The following CCNL1 variants were observed in gnomAD, a reference collection of about 807,000 sequenced individuals.
CCNL1 encodes cyclin L1, also known as cyclin-L1.
CCNL1 carries 13 observed loss-of-function variants against 60.6 expected under a neutral mutation model. The observed-to-expected ratio is 0.21, with a 90% CI of 0.14 to 0.34. The LOEUF (loss-of-function observed/expected upper bound fraction) is 0.34. CCNL1 is among the 10% of genes least tolerant of loss of function. The probability of loss-of-function intolerance (pLI) is 1.00; values close to 1 mark genes in which losing one functional copy is unlikely to be tolerated. For synonymous variants in CCNL1, 270 were observed against 244.3 expected, an observed-to-expected ratio of 1.10 and a Z score of -0.98; for missense variants, 481 against 664.3, an observed-to-expected ratio of 0.72 and a Z score of 3.03.
chr3:157,154,837 G>A (rs1738485095), intron 3 of CCNL1, among the ~76,000 whole-genome samples: 1 of 152,018 alleles, frequency 6.6e-6, no homozygotes, highest in African/African-American at 2.4e-5. Flanking sequence ...GTGTAATGAT[G>A]AATCCATTTT....
intron 3 of CCNL1, among the ~76,000 whole-genome samples, chr3:157,156,444 C>T (rs576433016): frequency 4.6e-4 from 70 of 152,264 alleles, no homozygotes; most frequent in Non-Finnish European, 7.8e-4. Context: ...AATTTTAATA[C>T]GCTGCATCTC....
Position 157,148,475 on chromosome 3 carries a change from C to T in CCNL1, c.1347G>A (p.Lys449=), listed in dbSNP as rs2108108752. ...RHHNHGSPHL[K]AKHTRDDLKS... Reference sequence around the variant, plus strand: ...TTAAATCATCTCTGGTATGCTTGGCCTTAAGGTGAGGAGAACCATGATTAT... The same window carrying T: ...TTAAATCATCTCTGGTATGCTTGGCTTTAAGGTGAGGAGAACCATGATTAT... Residue 449 remains lysine, a synonymous_variant, in exon 11 of 11, where the codon AAG becomes AAA. Transcript: ENST00000295926. 2 of 1,614,132 alleles carry T rather than the reference C, an allele frequency of 1.2e-6. No homozygotes were observed. Among genetic ancestry groups the T allele is most frequent in the Non-Finnish European group, 1.7e-6 (2 of 1,180,032 alleles).
downstream of CCNL1, among the ~76,000 whole-genome samples, chr3:157,143,623 G>C (rs1737705029): frequency 6.6e-6 from 1 of 152,172 alleles, no homozygotes; most frequent in Non-Finnish European, 1.5e-5. Flanking sequence ...GTAAATTTCA[G>C]TTAGTGGTAA....
At chr3:157,157,679 C>A (rs898761828) in intron 3 of CCNL1, among the ~76,000 whole-genome samples, 6 of 152,138 alleles carry the variant, frequency 3.9e-5, no homozygotes, top group Non-Finnish European at 1.5e-5. Context: ...AGTACTCTAT[C>A]CCTGGACACA....
chr3:157,152,439 A>G (rs147980308), intron 4 of CCNL1, 198 bp from the exon 5 acceptor site: 688 of 1,268,768 alleles, frequency 5.4e-4, no homozygotes, highest in Non-Finnish European at 6.5e-4. Flanking sequence ...TTAGAAGCAT[A>G]TTTCAAAATT....
chr3:157,158,743 C>A, intron 3 of CCNL1, 123 bp downstream of exon 3: 1 of 608,002 alleles, frequency 1.6e-6, no homozygotes, highest in Non-Finnish European at 2.9e-6. Flanking sequence ...ACTTTAACAC[C>A]TAAATTAAAG....
Position 157,150,400 on chromosome 3 carries a change from A to G in CCNL1, c.675-19T>C. On this transcript the variant is annotated intron_variant, in intron 5 of 10. Coordinates refer to ENST00000295926, the MANE Select transcript of CCNL1 (RefSeq NM_020307.4). ...GTAATTCCTGAAAAATATTTCAACTATAAGCTTGCATGTAAACAAACCAGT... is the reference window on the plus strand; with the variant it reads ...GTAATTCCTGAAAAATATTTCAACTGTAAGCTTGCATGTAAACAAACCAGT... 1 of 1,610,108 alleles carries G rather than the reference A, an allele frequency of 6.2e-7. No homozygotes were observed. The highest frequency in any genetic ancestry group is 1.7e-5 in the Admixed American group (1 of 59,760).
downstream of CCNL1, among the ~76,000 whole-genome samples, chr3:157,145,451 AAAAAAAAAAAAAACC>A (rs1199372017): frequency 2.7e-4 from 40 of 148,738 alleles, 3 homozygotes; most frequent in African/African-American, 1.0e-3. Flanking sequence ...AAAAAAAAAA[AAAAAAAAAAAAAACC>A]AAAACGGGAT....
At chr3:157,155,113 T>G (rs982366580) in intron 3 of CCNL1, among the ~76,000 whole-genome samples, 2 of 152,298 alleles carry the variant, frequency 1.3e-5, no homozygotes, top group Non-Finnish European at 2.9e-5. Flanking sequence ...CATTAAGAGA[T>G]AAAATAGCTC....
Position 157,147,900 on chromosome 3 carries a change from C to G in CCNL1, c.*341G>C. ...TCACCATCATTTAAACAAATAACCACTTAAATAGAACAGTGTCTGCAATTT... is the reference window on the plus strand; with the variant it reads ...TCACCATCATTTAAACAAATAACCAGTTAAATAGAACAGTGTCTGCAATTT... On this transcript the variant is annotated 3_prime_UTR_variant, in exon 11 of 11. Transcript: ENST00000295926. The G allele has an allele frequency of 9.8e-7, 1 of 1,018,634 alleles. No individual in the cohort carries two copies. Among genetic ancestry groups the G allele is most frequent in the Non-Finnish European group, 1.2e-6 (1 of 852,050 alleles). The allele number at this position is 1,018,634 out of a possible 1,614,324, so 63.1% of individuals were successfully genotyped here.
chr3:157,150,928 C>T, intron 5 of CCNL1: 2 of 982,692 alleles, frequency 2.0e-6, no homozygotes, highest in Non-Finnish European at 2.4e-6. Flanking sequence ...GAGCAATAAA[C>T]ACATATAATG....
At chr3:157,157,412 C>T (rs1352653513) in intron 3 of CCNL1, among the ~76,000 whole-genome samples, 1 of 152,118 alleles carries the variant, frequency 6.6e-6, no homozygotes, top group Admixed American at 6.5e-5. Context: ...AGGAAAATTC[C>T]ACAGAAGATA....
chr3:157,143,548 T>C (rs760488825), downstream of CCNL1, among the ~76,000 whole-genome samples: 5 of 152,218 alleles, frequency 3.3e-5, no homozygotes, highest in Non-Finnish European at 4.4e-5. Context: ...CAATAATGAA[T>C]AAACTACAGA....
chr3:157,152,448 T>C, intron 4 of CCNL1: 1 of 1,270,900 alleles, frequency 7.9e-7, no homozygotes, highest in Non-Finnish European at 1.0e-6. Flanking sequence ...TATTTCAAAA[T>C]TGTACAGGAA....
chr3:157,151,048 C>G, intron 5 of CCNL1: 1 of 984,946 alleles, frequency 1.0e-6, no homozygotes, highest in Non-Finnish European at 1.2e-6. Flanking sequence ...CCTAAACTAT[C>G]AAAGAAATTT....
At chr3:157,157,191 TA>T (rs150310820) in intron 3 of CCNL1, 10 of 1,004,092 alleles carry the variant, frequency 1.0e-5, no homozygotes, top group Non-Finnish European at 1.2e-5. Flanking sequence ...CATCCTGCTT[TA>T]AAAAAAGGCT....
In CCNL1 at chr3:157,150,596, G is replaced by A. The variant is rs144796334; in HGVS notation, c.675-215C>T. Reference sequence around the variant, plus strand: ...ATATGCGATTTTCCTATATATGAGCGAAGCCCTTTTAAATTATTTCATATT... The same window carrying A: ...ATATGCGATTTTCCTATATATGAGCAAAGCCCTTTTAAATTATTTCATATT... On this transcript the variant is annotated intron_variant, in intron 5 of 10. Coordinates refer to ENST00000295926, the MANE Select transcript of CCNL1 (RefSeq NM_020307.4). 1,311 of 1,245,308 alleles carry A rather than the reference G, an allele frequency of 1.1e-3. 4 individuals are homozygous for A. The highest frequency in any genetic ancestry group is 8.4e-3 in the African/African-American group (556 of 66,250). The allele number at this position is 1,245,308 out of a possible 1,614,324, so 77.1% of individuals were successfully genotyped here.
At position 157,158,917 on chromosome 3, in the gene CCNL1, A is replaced by G. The variant is rs1328710506; in HGVS notation, c.437T>C (p.Ile146Thr). The G allele has an allele frequency of 6.2e-7, 1 of 1,613,714 alleles. No individual in the cohort carries two copies. Among genetic ancestry groups the G allele is most frequent in the African/African-American group, 1.3e-5 (1 of 75,036 alleles). Residue 146 changes from isoleucine (I) to threonine (T), a missense_variant, in exon 3 of 11, where the codon ATA (isoleucine) becomes ACA (threonine). Physicochemically the swap from Ile to Thr is moderately conservative, Grantham distance 89. Around this residue, in one of 5 missense-constraint regions of CCNL1, gnomAD observed 130 missense variants for 174.5 expected, o/e 0.75. Coordinates refer to ENST00000295926, the MANE Select transcript of CCNL1 (RefSeq NM_020307.4). ...ASKIEEAPRR[I>T]RDVINVFHHL... is the part of the protein sequence containing the mutation. Reference sequence around the variant, plus strand: ...GTGGAATACATTAATCACATCTCTTATTCTTCTAGGTGCTTCTTCGATTTT... The same window carrying G: ...GTGGAATACATTAATCACATCTCTTGTTCTTCTAGGTGCTTCTTCGATTTT...
chr3:157,146,855 G>C (rs1737802907), downstream of CCNL1, among the ~76,000 whole-genome samples: 1 of 152,168 alleles, frequency 6.6e-6, no homozygotes, highest in South Asian at 2.1e-4. Context: ...GCTAACTTTT[G>C]CTGGGTCTTG....
Sources: gnomAD v4.1 joint callset for allele counts (sites outside exome capture counted in the v4.1 genomes callset) on GRCh38, gnomAD v4.1.1 for gene constraint, gnomAD v4.1.1 regional missense constraint, MANE v1.5 for transcripts, NCBI Gene and HGNC (gene_info 2026-07-23, HGNC 2026-07-21) for gene names.